ACADM: variants seen among roughly 807,000 people sequenced by gnomAD.
ACADM encodes the protein medium-chain specific acyl-CoA dehydrogenase, mitochondrial.
In ACADM, 49 loss-of-function variants were observed where a neutral mutation model predicts 58.9. The ratio of observed to expected loss-of-function variants is 0.83; its 90% confidence interval spans 0.66 to 1.06. The LOEUF (loss-of-function observed/expected upper bound fraction) is 1.06, where lower values mean the gene tolerates loss of function less well. ACADM is among the 50% of genes least tolerant of loss of function. The pLI is 0.00. For synonymous variants in ACADM, 160 were observed against 157.7 expected, an observed-to-expected ratio of 1.01 and a Z score of -0.11; for missense variants, 496 against 507.0, an observed-to-expected ratio of 0.98 and a Z score of 0.21.
chr1:75,763,342 C>T lies in ACADM; in HGVS notation c.*579C>T, dbSNP rs1424259094. On this transcript the variant is annotated 3_prime_UTR_variant, in exon 12 of 12. Coordinates refer to ENST00000370841, the MANE Select transcript of ACADM (RefSeq NM_000016.6). ...TATTTAATTCTGAGCCCATATTTCA[C>T]TTACCTTATTTAAAATAAATCAATA... 6.6e-6 allele frequency: 1 copy of T among 152,242 alleles called. No homozygotes were observed. The highest frequency in any genetic ancestry group is 1.5e-5 in the Non-Finnish European group (1 of 68,086). 9.4% of individuals were successfully genotyped at this position (152,242 alleles called of 1,614,324 possible).
At chr1:75,728,347 A>T in intron 1 of ACADM, 54 bp from the exon 2 acceptor site, 2 of 1,439,208 alleles carry the variant, frequency 1.4e-6, no homozygotes, top group Non-Finnish European at 1.9e-6. Context: ...GTAGTCTCTT[A>T]TCTGATTAAT....
rs1647871423 is a variant in ACADM, at chr1:75,745,878, G to T, written c.672G>T (p.Val224=). Residue 224 remains valine, a synonymous_variant, in exon 8 of 12, where the codon GTG becomes GTT. Coordinates refer to ENST00000370841, the MANE Select transcript of ACADM (RefSeq NM_000016.6). Reference sequence around the variant, plus strand: ...ATAAAGCCTTTACTGGATTCATTGTGGAAGCAGATACCCCAGGAATTCAGA... The same window carrying T: ...ATAAAGCCTTTACTGGATTCATTGTTGAAGCAGATACCCCAGGAATTCAGA... ...PANKAFTGFI[V]EADTPGIQIG... 6.2e-7 allele frequency: 1 copy of T among 1,613,564 alleles called. No homozygotes were observed. The highest frequency in any genetic ancestry group is 1.3e-5 in the African/African-American group (1 of 74,962).
At chr1:75,745,767 C>T in intron 7 of ACADM, 39 bp from the exon 8 acceptor site, 1 of 1,403,826 alleles carries the variant, frequency 7.1e-7, no homozygotes, top group Middle Eastern at 1.8e-4. Context: ...GTGTTATTTG[C>T]CGATATTATC....
chr1:75,731,963 G>A (rs1244607106), intron 2 of ACADM, among the ~76,000 whole-genome samples: 1 of 152,096 alleles, frequency 6.6e-6, no homozygotes, highest in Non-Finnish European at 1.5e-5. Flanking sequence ...ACCCATTTGG[G>A]CAACATGGCA....
chr1:75,746,625 G>A (rs1016237968), intron 8 of ACADM, among the ~76,000 whole-genome samples: 7 of 145,250 alleles, frequency 4.8e-5, no homozygotes, highest in African/African-American at 1.3e-4. Context: ...TTGAGACAGC[G>A]TCTCGCTCTG....
Position 75,743,695 on chromosome 1 carries a change from A to G in ACADM, c.600-2111A>G, listed in dbSNP as rs1557453302. The G allele has an allele frequency of 4.0e-6, 6 of 1,489,156 alleles. No individual in the cohort carries two copies. In the East Asian group the frequency reaches 6.8e-5, roughly 17 times the overall value. The allele number at this position is 1,489,156 out of a possible 1,614,324, so 92.2% of individuals were successfully genotyped here. A position where few individuals can be genotyped will look rare whatever the true frequency, so the allele number is the denominator to read the frequency against. On this transcript the variant is annotated intron_variant, in intron 7 of 11. Transcript: ENST00000370841. ...GAAGGTACCACCATCCATATCTTCA[A>G]TGGCAAATTCATTCTTTCGGGCCTT...
chr1:75,756,537 A>G (rs1016021993), intron 10 of ACADM, among the ~76,000 whole-genome samples: 2 of 152,202 alleles, frequency 1.3e-5, no homozygotes, highest in African/African-American at 4.8e-5. Context: ...GAGAACCACA[A>G]ACCACCACTC....
intron 10 of ACADM, chr1:75,750,904 A>G: frequency 9.0e-6 from 3 of 332,734 alleles, no homozygotes; most frequent in South Asian, 8.2e-5. Context: ...GCGCACCACT[A>G]TGCCTGGCTA....
At chr1:75,754,334 A>C (rs938750242) in intron 10 of ACADM, among the ~76,000 whole-genome samples, 3 of 150,850 alleles carry the variant, frequency 2.0e-5, no homozygotes, top group African/African-American at 7.3e-5. Context: ...CAGCCTCCCG[A>C]GTAGCTGGGT....
intron 10 of ACADM, 98 bp from the exon 11 acceptor site, chr1:75,761,024 T>C: frequency 4.0e-6 from 5 of 1,254,718 alleles, no homozygotes; most frequent in Non-Finnish European, 5.6e-6. Flanking sequence ...CTGGGCAACA[T>C]AGCAAGACCC....
chr1:75,725,973 T>G (rs1647048835), intron 1 of ACADM, among the ~76,000 whole-genome samples: 1 of 152,306 alleles, frequency 6.6e-6, no homozygotes, highest in African/African-American at 2.4e-5. Context: ...GCAAACCACC[T>G]CTCTAATTAA....
chr1:75,748,252 G>A (rs1176269057), intron 8 of ACADM, among the ~76,000 whole-genome samples: 1 of 152,144 alleles, frequency 6.6e-6, no homozygotes, highest in African/African-American at 2.4e-5. Flanking sequence ...TATAGATGAA[G>A]GGTGTATAAG....
At chr1:75,730,839 C>G (rs1221913739) in intron 2 of ACADM, among the ~76,000 whole-genome samples, 1 of 152,082 alleles carries the variant, frequency 6.6e-6, no homozygotes, top group Non-Finnish European at 1.5e-5. Flanking sequence ...TCTCTACCCT[C>G]TATCTACCTG....
At chr1:75,747,787 T>C (rs1161041068) in intron 8 of ACADM, among the ~76,000 whole-genome samples, 1 of 152,228 alleles carries the variant, frequency 6.6e-6, no homozygotes, top group African/African-American at 2.4e-5. Flanking sequence ...TGAGACCTAA[T>C]GTTTTCAAAT....
rs1326427389 is a variant in ACADM at position 75,762,751 on chromosome 1, G to A, written c.1254G>A (p.Lys418=). ...TTGTAGCCCGTGAACACATTGACAA[G>A]TACAAAAATTAAAAAAATTACTGTA... ...RLIVAREHID[K]YKN is the part of the protein sequence containing the mutation. Residue 418 remains lysine, a synonymous_variant, in exon 12 of 12, where the codon AAG becomes AAA. Coordinates refer to ENST00000370841, the MANE Select transcript of ACADM (RefSeq NM_000016.6). 6.3e-7 allele frequency: 1 copy of A among 1,598,632 alleles called. No individual in the cohort carries two copies. Among genetic ancestry groups the A allele is most frequent in the Non-Finnish European group, 8.6e-7 (1 of 1,167,368 alleles).
rs886046524 is a variant in ACADM at position 75,762,825 on chromosome 1, AAG to A, written c.*64_*65del. ...AAGCCACTGTTTCAGCTCCAGAAAA[AAG>A]AAAGGGCTTTAACGTTTTTTCCAGT... On this transcript the variant is annotated 3_prime_UTR_variant, in exon 12 of 12. Coordinates refer to ENST00000370841, the MANE Select transcript of ACADM (RefSeq NM_000016.6). 29 of 1,056,434 alleles carry A rather than the reference AAG, an allele frequency of 2.7e-5. No individual in the cohort carries two copies. Among genetic ancestry groups the A allele is most frequent in the South Asian group, 1.5e-4 (11 of 72,094 alleles). 65.4% of individuals were successfully genotyped at this position (1,056,434 alleles called of 1,614,324 possible). A position where few individuals can be genotyped will look rare whatever the true frequency, so the allele number is the denominator to read the frequency against.
chr1:75,739,434 A>G (rs940213891), intron 6 of ACADM, among the ~76,000 whole-genome samples: 6 of 152,242 alleles, frequency 3.9e-5, no homozygotes, highest in African/African-American at 1.4e-4. Flanking sequence ...GAACTTGTTT[A>G]AAGCTATCTA....
Position 75,740,038 on chromosome 1 carries a change from C to A in ACADM, c.527C>A (p.Ala176Glu), listed in dbSNP as rs1156426886. 1 of 1,612,630 alleles carries A rather than the reference C, an allele frequency of 6.2e-7. No individual in the cohort carries two copies. The highest frequency in any genetic ancestry group is 8.5e-7 in the Non-Finnish European group (1 of 1,178,958). ...GSDVAGIKTKAEKKGDEYIIN... is the reference protein window; with the variant it reads ...GSDVAGIKTKEEKKGDEYIIN... Reference sequence around the variant, plus strand: ...GATGTAGCTGGTATAAAGACCAAAGCAGAAAAGAAAGGAGATGAGTATATT... The same window carrying A: ...GATGTAGCTGGTATAAAGACCAAAGAAGAAAAGAAAGGAGATGAGTATATT... The change falls in exon 7 of 12, where the codon GCA becomes GAA. Residue 176 changes from alanine (A) to glutamate (E), a missense_variant. By Grantham distance (107) the Ala-to-Glu change is moderately radical (BLOSUM62 -1). Coordinates refer to ENST00000370841, the MANE Select transcript of ACADM (RefSeq NM_000016.6).
intron 1 of ACADM, among the ~76,000 whole-genome samples, 198 bp from the exon 2 acceptor site, chr1:75,728,203 A>T (rs1647085864): frequency 6.6e-6 from 1 of 152,198 alleles, no homozygotes; most frequent in Non-Finnish European, 1.5e-5. Context: ...TTTTAAAAAC[A>T]TCTCCTCTGT....
Sources: allele counts gnomAD v4.1 joint callset (sites outside exome capture counted in the v4.1 genomes callset), GRCh38; gene constraint gnomAD v4.1.1; transcripts MANE v1.5; gene names NCBI Gene and HGNC (gene_info 2026-07-23, HGNC 2026-07-21).